The following OR51B5 variants were observed in gnomAD, a reference collection of about 807,000 sequenced individuals.
The protein encoded by OR51B5 is olfactory receptor family 51 subfamily B member 5.
For synonymous variants in OR51B5, 186 were observed against 144.8 expected, an observed-to-expected ratio of 1.28 and a Z score of -2.04; for missense variants, 456 against 374.6, an observed-to-expected ratio of 1.22 and a Z score of -1.79.
Position 5,423,424 on chromosome 11 carries a change from G to A in OR51B5, n.85-76514C>T, listed in dbSNP as rs552168319. Among the ~76,000 whole-genome samples the A allele has an allele frequency of 2.6e-5, 4 of 152,228 alleles. No homozygotes were observed. In the South Asian group the frequency reaches 8.3e-4, roughly 32 times the overall value. On this transcript the variant is annotated intron_variant and non_coding_transcript_variant, in intron 1 of 4. Transcript: ENST00000415970. ...TTAATGGATTGAGTAAAGTTCTCTC[G>A]AAGCTTGTCTTTCTTTCTGGATATT...
intron 1 of OR51B5, among the ~76,000 whole-genome samples, chr11:5,478,235 C>G (rs1415315837): frequency 1.3e-5 from 2 of 152,004 alleles, no homozygotes; most frequent in African/African-American, 4.8e-5. Context: ...TGGGAGGCAC[C>G]CCCCAGCAGG....
intron 1 of OR51B5, among the ~76,000 whole-genome samples, chr11:5,461,011 A>G (rs7929491): frequency 0.041 from 6,284 of 152,246 alleles, 431 homozygotes; most frequent in African/African-American, 0.14. Flanking sequence ...CTGCCAGCAA[A>G]AGAGCTGTGG....
chr11:5,379,359 T>C (rs1849576126), intron 1 of OR51B5, among the ~76,000 whole-genome samples: 1 of 151,994 alleles, frequency 6.6e-6, no homozygotes, highest in Non-Finnish European at 1.5e-5. Context: ...TACCTAATGC[T>C]AAATTACGAG....
intron 1 of OR51B5, among the ~76,000 whole-genome samples, chr11:5,384,650 T>C (rs1849657690): frequency 6.6e-6 from 1 of 152,220 alleles, no homozygotes; most frequent in Non-Finnish European, 1.5e-5. Context: ...CCATCTGGTA[T>C]ACACACCCTC....
chr11:5,351,026 A>C (rs189211070), intron 1 of OR51B5, among the ~76,000 whole-genome samples: 26 of 152,232 alleles, frequency 1.7e-4, no homozygotes, highest in Admixed American at 1.6e-3. Flanking sequence ...TGCTTTTCCA[A>C]TAGTGCTTAG....
chr11:5,439,928 G>A (rs1283097406), intron 1 of OR51B5, among the ~76,000 whole-genome samples: 1 of 152,148 alleles, frequency 6.6e-6, no homozygotes, highest in East Asian at 1.9e-4. Context: ...ATATTGTTTA[G>A]TAGACCATAC....
intron 1 of OR51B5, chr11:5,441,271 T>G (rs746935342): frequency 6.2e-7 from 1 of 1,613,830 alleles, no homozygotes; most frequent in Non-Finnish European, 8.5e-7. Flanking sequence ...GAAATCACAG[T>G]GGGAAGTGTA....
chr11:5,352,963 C>T (rs1849125186), intron 1 of OR51B5, among the ~76,000 whole-genome samples: 1 of 150,640 alleles, frequency 6.6e-6, no homozygotes. Flanking sequence ...ACCGGCATTT[C>T]AGTCAATGCC....
At chr11:5,397,412 AAAG>A (rs1216427709) in intron 1 of OR51B5, among the ~76,000 whole-genome samples, 1 of 152,220 alleles carries the variant, frequency 6.6e-6, no homozygotes, top group Admixed American at 6.5e-5. Context: ...ACACTTCTCA[AAAG>A]AAGACATTTA....
At chr11:5,441,314 C>A in intron 1 of OR51B5, 1 of 1,613,848 alleles carries the variant, frequency 6.2e-7, no homozygotes, top group South Asian at 1.1e-5. Context: ...TGAGAGCGAG[C>A]ATAGAGAGGA....
chr11:5,475,379 G>A (rs1851287849), intron 1 of OR51B5, among the ~76,000 whole-genome samples: 2 of 151,920 alleles, frequency 1.3e-5, no homozygotes, highest in South Asian at 2.1e-4. Flanking sequence ...TCAGTTCCTC[G>A]AAGATGCAAG....
Position 5,461,561 on chromosome 11 carries a change from T to C in OR51B5, n.84+44008A>G, listed in dbSNP as rs1851054050. The stretch of plus-strand genomic sequence containing the variant: ...CTAAGGCTAAAGTCACCTACAGGAG[T>C]GTGGCAAGCTTTGGGGTAATGGGCA... On this transcript the variant is annotated intron_variant and non_coding_transcript_variant, in intron 1 of 4. Coordinates refer to the OR51B5 transcript ENST00000415970. Among the ~76,000 whole-genome samples, 3 of 151,996 alleles carry C rather than the reference T, an allele frequency of 2.0e-5. No individual in the cohort carries two copies. In the South Asian group the frequency reaches 6.2e-4, roughly 32 times the overall value.
chr11:5,475,561 G>A (rs189767025), intron 1 of OR51B5, among the ~76,000 whole-genome samples: 1 of 152,222 alleles, frequency 6.6e-6, no homozygotes, highest in African/African-American at 2.4e-5. Flanking sequence ...TAGCCTGAAT[G>A]AGGATCTACT....
chr11:5,404,653 C>G (rs1850033271), intron 1 of OR51B5, among the ~76,000 whole-genome samples: 1 of 152,208 alleles, frequency 6.6e-6, no homozygotes, highest in Admixed American at 6.5e-5. Context: ...GCTGTGGAAG[C>G]TTTGTTCTTT....
chr11:5,480,295 T>C (rs200804171), intron 1 of OR51B5, among the ~76,000 whole-genome samples: 48,338 of 150,112 alleles, frequency 0.32, 7,842 homozygotes, highest in Middle Eastern at 0.38. Context: ...AATAAAGATG[T>C]TCTTTGAAAC....
At chr11:5,375,905 G>A (rs2133712100) in intron 1 of OR51B5, among the ~76,000 whole-genome samples, 1 of 152,158 alleles carries the variant, frequency 6.6e-6, no homozygotes, top group South Asian at 2.1e-4. Context: ...AGATCAACGA[G>A]ACAGAAAGTT....
At chr11:5,496,314 AT>A (rs373181471) in intron 1 of OR51B5, among the ~76,000 whole-genome samples, 140 of 1,218 alleles carry the variant, frequency 0.11, 3 homozygotes, top group East Asian at 0.46. Context: ...TCTCTTATGC[AT>A]TTCTGAGTGT....
intron 1 of OR51B5, among the ~76,000 whole-genome samples, chr11:5,350,192 G>C (rs12289659): frequency 0.19 from 29,525 of 152,060 alleles, 3,034 homozygotes; most frequent in Non-Finnish European, 0.21. Flanking sequence ...TGACTGAGAA[G>C]ACAGAAATCA....
At chr11:5,494,026 G>C (rs917848102) in intron 1 of OR51B5, among the ~76,000 whole-genome samples, 1 of 152,108 alleles carries the variant, frequency 6.6e-6, no homozygotes, top group Admixed American at 6.5e-5. Flanking sequence ...CCCAGCCAGC[G>C]GATACTTCAC....
Sources: allele counts gnomAD v4.1 joint callset (sites outside exome capture counted in the v4.1 genomes callset), GRCh38; gene constraint gnomAD v4.1.1; transcripts MANE v1.5; gene names NCBI Gene and HGNC (gene_info 2026-07-23, HGNC 2026-07-21).